The following KBTBD11 variants were observed in gnomAD, a reference collection of about 807,000 sequenced individuals.
KBTBD11 encodes kelch repeat and BTB domain containing 11.
For synonymous variants in KBTBD11, 747 were observed against 499.0 expected, an observed-to-expected ratio of 1.50 and a Z score of -6.63; for missense variants, 1,390 against 1,001.8, an observed-to-expected ratio of 1.39 and a Z score of -5.23.
At chr8:1,985,354 C>T (rs973009037) in intron 1 of KBTBD11, among the ~76,000 whole-genome samples, 8 of 152,260 alleles carry the variant, frequency 5.3e-5, no homozygotes, top group South Asian at 2.1e-4. Context: ...GGCCGACTCC[C>T]GCGCCACCTG....
intron 1 of KBTBD11, among the ~76,000 whole-genome samples, chr8:1,984,046 C>T (rs1233634430): frequency 2.0e-5 from 3 of 152,206 alleles, no homozygotes; most frequent in Non-Finnish European, 4.4e-5. Flanking sequence ...AGGAGAATCA[C>T]TTGAACCTGG....
At chr8:1,977,260 G>T (rs1046029934) in intron 1 of KBTBD11, among the ~76,000 whole-genome samples, 11 of 152,162 alleles carry the variant, frequency 7.2e-5, no homozygotes, top group Non-Finnish European at 1.5e-5. Context: ...GAGTCCTAAA[G>T]TGAAATCATT....
rs1171255035 is a variant in KBTBD11, at chr8:2,002,869, C to T, written c.1677C>T (p.Asp559=). The change falls in exon 2 of 2, where the codon GAC becomes GAT. Residue 559 remains aspartate, a synonymous_variant. Coordinates refer to ENST00000320248, the MANE Select transcript of KBTBD11 (RefSeq NM_014867.3). The surrounding 1 kb of genome is among the most constrained non-coding windows in gnomAD (Gnocchi z 4.1). ...AGCCCTTCCGCTGCGCCGCCCTGGA[C>T]GGCGCCATCTACTGCGTGAGCCGCG... The part of the protein sequence containing the change: ...GLQPFRCAAL[D]GAIYCVSRAG... 2.9e-6 allele frequency: 4 copies of T among 1,366,470 alleles called. No homozygotes were observed. The highest frequency in any genetic ancestry group is 1.7e-5 in the South Asian group (1 of 58,434). The allele number at this position is 1,366,470 out of a possible 1,614,324, so 84.6% of individuals were successfully genotyped here.
In KBTBD11 at chr8:2,003,094, G is replaced by T; in HGVS notation, c.*30G>T. 6.4e-6 allele frequency: 8 copies of T among 1,258,664 alleles called. No homozygotes were observed. The highest frequency in any genetic ancestry group is 8.0e-6 in the Non-Finnish European group (8 of 997,916). The allele number at this position is 1,258,664 out of a possible 1,614,324, so 78.0% of individuals were successfully genotyped here. ...GCGGGGTCGGCGGGCGTCTCCCTCG[G>T]CAGGGGTTTGCGGGGCCCAGGTCCC... On this transcript the variant is annotated 3_prime_UTR_variant, in exon 2 of 2. Transcript: ENST00000320248.
At chr8:1,977,932 G>C (rs970060347) in intron 1 of KBTBD11, among the ~76,000 whole-genome samples, 1 of 152,132 alleles carries the variant, frequency 6.6e-6, no homozygotes, top group Non-Finnish European at 1.5e-5. Flanking sequence ...TTCGTATCAC[G>C]ACCCTTGTTC....
chr8:1,974,214 C>T (rs188408315), intron 1 of KBTBD11: 210,508 of 871,638 alleles, frequency 0.24, 26,622 homozygotes, highest in Middle Eastern at 0.26. Context: ...TCCGCTCCGC[C>T]TCCGGGAGGC....
chr8:1,987,851 T>C (rs1393412615), intron 1 of KBTBD11, among the ~76,000 whole-genome samples: 1 of 152,092 alleles, frequency 6.6e-6, no homozygotes, highest in Non-Finnish European at 1.5e-5. Context: ...TCATTTACAT[T>C]AGGTATTTCT....
intron 1 of KBTBD11, chr8:1,975,824 T>G (rs989817542): frequency 6.6e-6 from 1 of 152,208 alleles, no homozygotes; most frequent in Non-Finnish European, 1.5e-5. Context: ...GGAAAGGTGG[T>G]TTGGAGCTTA....
intron 1 of KBTBD11, chr8:1,974,598 G>A (rs996149600): frequency 2.8e-4 from 277 of 985,070 alleles, no homozygotes; most frequent in Non-Finnish European, 3.1e-4. Flanking sequence ...CCCGAGCACC[G>A]CGACCCACCC....
intron 1 of KBTBD11, among the ~76,000 whole-genome samples, chr8:1,978,429 C>G (rs1181430091): frequency 6.6e-6 from 1 of 152,230 alleles, no homozygotes; most frequent in African/African-American, 2.4e-5. Flanking sequence ...GATTCACACA[C>G]TGGGGGCTGG....
rs574439513 is a variant in KBTBD11, at chr8:2,001,279, C to T, written c.87C>T (p.Ser29=). 2.0e-6 allele frequency: 3 copies of T among 1,520,890 alleles called. No individual in the cohort carries two copies. The highest frequency in any genetic ancestry group is 1.9e-5 in the Admixed American group (1 of 51,388). 94.2% of individuals were successfully genotyped at this position (1,520,890 alleles called of 1,614,324 possible). ...AGESESEGAA[S]PAQTPCSLGA... ...AGAGCGAGAGCGAGGGCGCCGCGTC[C>T]CCGGCGCAGACACCCTGCAGTCTCG... is the stretch of plus-strand genomic sequence containing the variant. Residue 29 remains serine (S), a synonymous_variant, in exon 2 of 2, where the codon TCC becomes TCT. Transcript: ENST00000320248.
intron 1 of KBTBD11, among the ~76,000 whole-genome samples, chr8:1,986,964 G>A (rs564543899): frequency 1.5e-5 from 2 of 132,272 alleles, no homozygotes; most frequent in African/African-American, 5.8e-5. Context: ...GGGGAGCCCA[G>A]GAGTTGAAGA....
chr8:1,978,658 G>A (rs1193676941), intron 1 of KBTBD11, among the ~76,000 whole-genome samples: 4 of 152,220 alleles, frequency 2.6e-5, no homozygotes. Flanking sequence ...GGCCTGCCAC[G>A]TAGAAGGGGA....
intron 1 of KBTBD11, among the ~76,000 whole-genome samples, chr8:1,975,506 G>T (rs181318884): frequency 4.0e-4 from 61 of 152,378 alleles, no homozygotes; most frequent in African/African-American, 1.4e-3. Flanking sequence ...CAGGTGTGCA[G>T]TCTGGAGCAG....
At position 1,973,949 on chromosome 8, in the gene KBTBD11, C is replaced by T. The variant is rs1344081935; in HGVS notation, c.-909+14C>T. The T allele has an allele frequency of 2.0e-6, 2 of 977,652 alleles. No homozygotes were observed. Among genetic ancestry groups the T allele is most frequent in the South Asian group, 4.7e-5 (1 of 21,132 alleles). 60.6% of individuals were successfully genotyped at this position (977,652 alleles called of 1,614,324 possible). On this transcript the variant is annotated intron_variant, in intron 1 of 1. Coordinates refer to ENST00000320248, the MANE Select transcript of KBTBD11 (RefSeq NM_014867.3). ...AGCCGCGGCGAGGTAGGGCGGACCC[C>T]GGGGAGGCAGCGGCGGGGCCTGGCG...
chr8:1,991,374 A>G (rs1816909710), intron 1 of KBTBD11, among the ~76,000 whole-genome samples: 1 of 152,230 alleles, frequency 6.6e-6, no homozygotes, highest in South Asian at 2.1e-4. Context: ...CTAAGCCAGA[A>G]GTGGCATTTA....
intron 1 of KBTBD11, among the ~76,000 whole-genome samples, chr8:1,988,872 T>G (rs4532639): frequency 1.1e-4 from 17 of 152,318 alleles, no homozygotes; most frequent in African/African-American, 3.1e-4. Context: ...TTAATTATCA[T>G]TATTAACATA....
chr8:1,980,406 T>C lies in KBTBD11; in HGVS notation c.-909+6471T>C, dbSNP rs201991250. Among the ~76,000 whole-genome samples the C allele has an allele frequency of 6.8e-4, 104 of 152,226 alleles. No individual in the cohort carries two copies. In the East Asian group the frequency reaches 0.016, roughly 24 times the overall value. ...CACGCCTGGCTAATTTTTGTATTTT[T>C]AGTACAGATGGGGTTTCACCATGTT... On this transcript the variant is annotated intron_variant, in intron 1 of 1. Transcript: ENST00000320248.
At position 2,001,215 on chromosome 8, in the gene KBTBD11, G is replaced by T. The variant is rs911703006; in HGVS notation, c.23G>T (p.Cys8Phe). The stretch of plus-strand genomic sequence containing the variant: ...GCCATGGAGCACGCGGTGGCCCCCT[G>T]CGTCCTCTACCCAGGGACTGAGCCC... Reference protein sequence around the residue: MEHAVAPCVLYPGTEPGA... With the variant: MEHAVAPFVLYPGTEPGA... The change falls in exon 2 of 2, where the codon TGC becomes TTC. Residue 8 changes from cysteine to phenylalanine, a missense_variant. By Grantham distance (205) the Cys-to-Phe change is radical (BLOSUM62 -2). Coordinates refer to ENST00000320248, the MANE Select transcript of KBTBD11 (RefSeq NM_014867.3). The T allele has an allele frequency of 5.7e-6, 8 of 1,410,920 alleles. No homozygotes were observed. The highest frequency in any genetic ancestry group is 7.4e-6 in the Non-Finnish European group (8 of 1,080,638). The allele number at this position is 1,410,920 out of a possible 1,614,324, so 87.4% of individuals were successfully genotyped here. A position where few individuals can be genotyped will look rare whatever the true frequency, so the allele number is the denominator to read the frequency against.
Sources: allele counts gnomAD v4.1 joint callset (sites outside exome capture counted in the v4.1 genomes callset), GRCh38; gene constraint gnomAD v4.1.1; non-coding constraint Gnocchi (gnomAD v3.1); transcripts MANE v1.5; gene names NCBI Gene and HGNC (gene_info 2026-07-23, HGNC 2026-07-21).